Variants in BUD13 observed in about 807,000 individuals in gnomAD.
The protein encoded by BUD13 is BUD13 homolog.
Under a neutral mutation model 62.5 loss-of-function variants are expected in BUD13, and 47 were observed. That is an observed-to-expected ratio of 0.75 (90% CI 0.60 to 0.96). BUD13 has a LOEUF of 0.96. Ranked by LOEUF, BUD13 falls within the 40% of genes least tolerant of loss-of-function variation. The probability of loss-of-function intolerance (pLI) is 0.00; values close to 1 mark genes in which losing one functional copy is unlikely to be tolerated. For missense variants in BUD13, 821 were observed against 790.9 expected (o/e 1.04, Z -0.46); for synonymous variants, 293 against 280.1 (o/e 1.05, Z -0.46).
chr11:116,758,163 G>T, intron 7 of BUD13, 106 bp downstream of exon 7: 1 of 1,514,502 alleles, frequency 6.6e-7, no homozygotes, highest in Non-Finnish European at 8.9e-7. Flanking sequence ...TCCCATTACT[G>T]ATAACAGCTC....
chr11:116,755,655 T>C lies in BUD13; in HGVS notation c.1766+1491A>G, dbSNP rs187597526. The stretch of plus-strand genomic sequence containing the variant: ...AACTGAACAAATCACAACAGACAAA[T>C]ACAGAGTCAAGTTACCTATTATTAA... On this transcript the variant is annotated intron_variant, in intron 9 of 9. Transcript: ENST00000260210. Among the ~76,000 whole-genome samples, 21 of 152,292 alleles carry C rather than the reference T, an allele frequency of 1.4e-4. No individual in the cohort carries two copies. In the East Asian group the frequency reaches 2.9e-3, roughly 21 times the overall value.
At chr11:116,764,565 C>A (rs892496693) in intron 3 of BUD13, among the ~76,000 whole-genome samples, 1 of 151,998 alleles carries the variant, frequency 6.6e-6, no homozygotes, top group African/African-American at 2.4e-5. Context: ...AGAAAAGGCA[C>A]CGTGTGTATG....
At chr11:116,760,669 G>A (rs945648072) in intron 5 of BUD13, 66 bp downstream of exon 5, 15 of 1,499,694 alleles carry the variant, frequency 1.0e-5, no homozygotes, top group Non-Finnish European at 1.4e-5. Context: ...GATTCTCTGG[G>A]ACATATATAA....
At chr11:116,762,387 C>T (rs995789691) in intron 4 of BUD13, among the ~76,000 whole-genome samples, 166 bp downstream of exon 4, 5 of 152,134 alleles carry the variant, frequency 3.3e-5, no homozygotes, top group Non-Finnish European at 7.4e-5. Context: ...CATATGAAAA[C>T]CTTCCTCCCT....
chr11:116,757,246 A>C lies in BUD13; in HGVS notation c.1685-19T>G. On this transcript the variant is annotated intron_variant, in intron 8 of 9. Coordinates refer to ENST00000260210, the MANE Select transcript of BUD13 (RefSeq NM_032725.4). ...GGTCTCACTAATGAGAGGAGTAAGA[A>C]AAAAGTATTCAGTTAATGACATAGT... 1.9e-6 allele frequency: 3 copies of C among 1,602,730 alleles called. No homozygotes were observed. The highest frequency in any genetic ancestry group is 2.6e-6 in the Non-Finnish European group (3 of 1,170,028).
chr11:116,759,058 A>C lies in BUD13; in HGVS notation c.1360+16T>G. 2 of 1,576,300 alleles carry C rather than the reference A, an allele frequency of 1.3e-6. No homozygotes were observed. The highest frequency in any genetic ancestry group is 1.7e-6 in the Non-Finnish European group (2 of 1,146,850). On this transcript the variant is annotated intron_variant, in intron 6 of 9. Coordinates refer to ENST00000260210, the MANE Select transcript of BUD13 (RefSeq NM_032725.4). Reference sequence around the variant, plus strand: ...AGTATGAGCCTAAATTGGTCTCTGCACTTTCATATTTTTACCTTCAAATGC... The same window carrying C: ...AGTATGAGCCTAAATTGGTCTCTGCCCTTTCATATTTTTACCTTCAAATGC...
At chr11:116,767,565 C>T (rs1192577869) in intron 2 of BUD13, among the ~76,000 whole-genome samples, 1 of 139,462 alleles carries the variant, frequency 7.2e-6, no homozygotes, top group East Asian at 2.1e-4. Flanking sequence ...TGCACTCCAG[C>T]CTGGGCAACA....
chr11:116,766,079 G>C (rs1203652432), intron 2 of BUD13, among the ~76,000 whole-genome samples: 1 of 152,194 alleles, frequency 6.6e-6, no homozygotes, highest in Non-Finnish European at 1.5e-5. Context: ...ACAGTCCACT[G>C]CATTTTTCAA....
chr11:116,768,013 A>G (rs571967881), intron 2 of BUD13, among the ~76,000 whole-genome samples: 1 of 117,284 alleles, frequency 8.5e-6, no homozygotes, highest in South Asian at 2.6e-4. Flanking sequence ...AATAATAATA[A>G]TAATAGTGCT....
intron 9 of BUD13, among the ~76,000 whole-genome samples, chr11:116,753,153 T>C (rs2134171845): frequency 6.6e-6 from 1 of 152,268 alleles, no homozygotes; most frequent in South Asian, 2.1e-4. Flanking sequence ...GAAAAGAGAT[T>C]TGCTGGAGGG....
chr11:116,753,531 A>G (rs1758675291), intron 9 of BUD13, among the ~76,000 whole-genome samples: 1 of 152,220 alleles, frequency 6.6e-6, no homozygotes, highest in African/African-American at 2.4e-5. Flanking sequence ...GTGTAACAGA[A>G]CTCAAAGTCT....
chr11:116,756,478 C>T (rs1940328641), intron 9 of BUD13, among the ~76,000 whole-genome samples: 1 of 151,958 alleles, frequency 6.6e-6, no homozygotes, highest in South Asian at 2.1e-4. Context: ...CGCCACTGCA[C>T]TCCAGCCTGG....
intron 3 of BUD13, 47 bp downstream of exon 3, chr11:116,765,315 T>C: frequency 6.4e-7 from 1 of 1,572,314 alleles, no homozygotes; most frequent in Non-Finnish European, 8.7e-7. Flanking sequence ...GGAAAAAAGA[T>C]CTCCCCTACT....
chr11:116,758,583 C>CTTTTTTTTT (rs397687372), intron 6 of BUD13, among the ~76,000 whole-genome samples, 176 bp from the exon 7 acceptor site: 1 of 116,630 alleles, frequency 8.6e-6, no homozygotes, highest in African/African-American at 3.2e-5. Flanking sequence ...TGGCATTTTC[C>CTTTTTTTTT]TTTTTTTTTT....
Position 116,748,466 on chromosome 11 carries a change from C to G in BUD13, c.*16G>C, listed in dbSNP as rs148221476. On this transcript the variant is annotated 3_prime_UTR_variant, in exon 10 of 10. Coordinates refer to ENST00000260210, the MANE Select transcript of BUD13 (RefSeq NM_032725.4). The stretch of plus-strand genomic sequence containing the variant: ...CCCACTACCACAGCCCAGCCACCCC[C>G]ACAGCCTCAGGAAAGTTACATATCC... The G allele has an allele frequency of 1.2e-5, 19 of 1,613,534 alleles. No individual in the cohort carries two copies. In the African/African-American group the frequency reaches 2.1e-4, roughly 18 times the overall value.
At chr11:116,751,875 G>A (rs1474039790) in intron 9 of BUD13, among the ~76,000 whole-genome samples, 6 of 152,172 alleles carry the variant, frequency 3.9e-5, no homozygotes, top group South Asian at 2.1e-4. Flanking sequence ...AATCAGGAAC[G>A]CAGAGTTCTA....
intron 4 of BUD13, 122 bp from the exon 5 acceptor site, chr11:116,761,074 T>A (rs1318337476): frequency 2.2e-5 from 18 of 800,378 alleles, no homozygotes; most frequent in South Asian, 2.1e-5. Flanking sequence ...ATTATTATTT[T>A]TTTTTTTTTG....
Position 116,772,862 on chromosome 11 carries a change from G to T in BUD13, c.103C>A (p.Arg35Ser). 1 of 1,589,942 alleles carries T rather than the reference G, an allele frequency of 6.3e-7. No individual in the cohort carries two copies. Among genetic ancestry groups the T allele is most frequent in the Non-Finnish European group, 8.5e-7 (1 of 1,169,796 alleles). The change falls in exon 1 of 10, where the codon CGC becomes AGC. Residue 35 changes from arginine to serine, a missense_variant. Transcript: ENST00000260210. ...CCGCCAGGCTTCGGCCGCTTTTTGC[G>T]ACGCTTGCGACCGGACTCAGATCCC... ...DRGSESGRKR[R>S]KKRPKPGGAG...
At chr11:116,770,260 G>T in intron 1 of BUD13, 38 bp from the exon 2 acceptor site, 2 of 1,537,888 alleles carry the variant, frequency 1.3e-6, no homozygotes, top group Non-Finnish European at 8.9e-7. Flanking sequence ...AGTCATTCTA[G>T]GATACCAGCA....
Sources: allele counts gnomAD v4.1 joint callset (sites outside exome capture counted in the v4.1 genomes callset), GRCh38; gene constraint gnomAD v4.1.1; transcripts MANE v1.5; gene names NCBI Gene and HGNC (gene_info 2026-07-23, HGNC 2026-07-21).